RARB: variants seen among roughly 807,000 people sequenced by gnomAD.
RARB encodes the protein retinoic acid receptor beta, also known as HBV-activated protein.
Under a neutral mutation model 51.9 loss-of-function variants are expected in RARB, and 17 were observed. That is an observed-to-expected ratio of 0.33 (90% CI 0.22 to 0.49). The LOEUF is 0.49. Among genes scored for constraint, RARB ranks in the 20% least tolerant of loss-of-function variants. The pLI, the probability that RARB is intolerant of heterozygous loss-of-function variation, is 0.99. For synonymous variants in RARB, 215 were observed against 195.4 expected (o/e 1.10, Z -0.84); for missense variants, 369 against 550.8 (o/e 0.67, Z 3.30).
chr3:24,962,798 A>G (rs1696170561), intron 2 of RARB, among the ~76,000 whole-genome samples: 2 of 152,346 alleles, frequency 1.3e-5, no homozygotes, highest in South Asian at 4.1e-4. Flanking sequence ...ACACTAAATG[A>G]TATAAATGAG....
At chr3:25,551,906 C>T (rs1699865952) in intron 3 of RARB, among the ~76,000 whole-genome samples, 1 of 152,140 alleles carries the variant, frequency 6.6e-6, no homozygotes, top group Non-Finnish European at 1.5e-5. Flanking sequence ...GAGGGGAATC[C>T]CAGTCCATGC....
intron 4 of RARB, among the ~76,000 whole-genome samples, chr3:25,160,186 G>A (rs1700450843): frequency 6.6e-6 from 1 of 152,164 alleles, no homozygotes; most frequent in African/African-American, 2.4e-5. Context: ...CTAGGCTCTG[G>A]TAATTTTCAG....
At chr3:24,940,367 G>A (rs1695637085) in intron 2 of RARB, among the ~76,000 whole-genome samples, 1 of 152,198 alleles carries the variant, frequency 6.6e-6, no homozygotes, top group South Asian at 2.1e-4. Context: ...GCGACGTAGA[G>A]AGGAGATTCA....
At chr3:24,954,515 T>A (rs1695967216) in intron 2 of RARB, among the ~76,000 whole-genome samples, 1 of 152,186 alleles carries the variant, frequency 6.6e-6, no homozygotes, top group Non-Finnish European at 1.5e-5. Context: ...CTTACAGATT[T>A]AAAAGTTGGG....
At chr3:25,183,099 G>A (rs984591916) in intron 5 of RARB, among the ~76,000 whole-genome samples, 2 of 152,086 alleles carry the variant, frequency 1.3e-5, no homozygotes, top group Admixed American at 6.5e-5. Context: ...AACTGATACA[G>A]GGACCATAAC....
At chr3:25,467,224 C>A (rs1381402017) in intron 2 of RARB, among the ~76,000 whole-genome samples, 2 of 152,276 alleles carry the variant, frequency 1.3e-5, no homozygotes, top group Non-Finnish European at 2.9e-5. Flanking sequence ...GGAACATAGT[C>A]TATGCTGTTG....
At chr3:25,306,124 A>G (rs868072160) in intron 5 of RARB, among the ~76,000 whole-genome samples, 1 of 152,210 alleles carries the variant, frequency 6.6e-6, no homozygotes, top group Non-Finnish European at 1.5e-5. Flanking sequence ...AAAAGACCCA[A>G]TTATGCACCA....
chr3:25,200,342 G>A (rs1328194823), intron 5 of RARB, among the ~76,000 whole-genome samples: 1 of 151,380 alleles, frequency 6.6e-6, no homozygotes, highest in East Asian at 1.9e-4. Flanking sequence ...CTGGATATTA[G>A]CCCTTTGTCA....
intron 5 of RARB, among the ~76,000 whole-genome samples, chr3:25,186,763 C>G (rs1700986150): frequency 6.6e-6 from 1 of 152,108 alleles, no homozygotes; most frequent in Non-Finnish European, 1.5e-5. Flanking sequence ...TCTCTAGATT[C>G]ATGACTGAGA....
intron 4 of RARB, among the ~76,000 whole-genome samples, chr3:25,157,139 C>T (rs1700387609): frequency 6.6e-6 from 1 of 152,084 alleles, no homozygotes; most frequent in Admixed American, 6.6e-5. Flanking sequence ...ATAAGTAATA[C>T]AGGAAACAAT....
intron 2 of RARB, among the ~76,000 whole-genome samples, chr3:24,995,670 A>G (rs1293820164): frequency 2.0e-5 from 3 of 152,070 alleles, no homozygotes; most frequent in Admixed American, 6.6e-5. Context: ...AAGAGTTTCT[A>G]TCATGAAGGG....
At chr3:24,967,444 G>A (rs1044189501) in intron 2 of RARB, among the ~76,000 whole-genome samples, 1 of 151,768 alleles carries the variant, frequency 6.6e-6, no homozygotes, top group Non-Finnish European at 1.5e-5. Context: ...CCTCAACTCA[G>A]ATGGTCAACT....
At chr3:24,910,477 T>G (rs1323141576) in intron 2 of RARB, among the ~76,000 whole-genome samples, 1 of 152,184 alleles carries the variant, frequency 6.6e-6, no homozygotes, top group African/African-American at 2.4e-5. Context: ...TTGTAATTTT[T>G]TAGGACCTGT....
intron 3 of RARB, among the ~76,000 whole-genome samples, chr3:25,097,082 G>C (rs1239397631): frequency 6.6e-6 from 1 of 152,090 alleles, no homozygotes; most frequent in African/African-American, 2.4e-5. Flanking sequence ...AGCTAAATGG[G>C]TGCAAGTGAC....
chr3:25,027,483 T>C (rs1198329797), intron 2 of RARB, among the ~76,000 whole-genome samples: 1 of 152,180 alleles, frequency 6.6e-6, no homozygotes, highest in Non-Finnish European at 1.5e-5. Flanking sequence ...TCACTTAATG[T>C]CCTACATAAT....
intron 5 of RARB, among the ~76,000 whole-genome samples, chr3:25,405,551 T>C (rs1427124056): frequency 6.6e-6 from 1 of 152,148 alleles, no homozygotes; most frequent in East Asian, 1.9e-4. Context: ...GATAAAACCA[T>C]TCAAGGCAAT....
At chr3:25,068,321 T>G (rs1234321436) in intron 3 of RARB, among the ~76,000 whole-genome samples, 8 of 151,926 alleles carry the variant, frequency 5.3e-5, no homozygotes, top group Admixed American at 5.2e-4. Context: ...GAAGTTCCAT[T>G]TTGACCTATC....
intron 5 of RARB, among the ~76,000 whole-genome samples, chr3:25,252,553 C>G (rs997086365): frequency 2.0e-5 from 3 of 152,128 alleles, no homozygotes; most frequent in South Asian, 2.1e-4. Flanking sequence ...AGTGAACAAG[C>G]CTTGCACTTC....
rs554111948 is a variant in RARB at position 25,513,323 on chromosome 3, GAAGGAAAGA to G, written c.448+12012_448+12020del. Among the ~76,000 whole-genome samples the G allele has an allele frequency of 1.4e-3, 206 of 151,918 alleles. 1 individual carries two copies. The highest frequency in any genetic ancestry group is 4.6e-3 in the African/African-American group (192 of 41,422). Reference sequence around the variant, plus strand: ...AAAGAGACAGAGAGGGAGAGAGAAAGAAGGAAAGAAAGGAAAGAAATGAAGAAAAGAAAG... The same window carrying G: ...AAAGAGACAGAGAGGGAGAGAGAAAGAAGGAAAGAAATGAAGAAAAGAAAG... On this transcript the variant is annotated intron_variant, in intron 3 of 7. Coordinates refer to ENST00000330688, the MANE Select transcript of RARB (RefSeq NM_000965.5).
Sources: allele counts gnomAD v4.1 joint callset (sites outside exome capture counted in the v4.1 genomes callset), GRCh38; gene constraint gnomAD v4.1.1; transcripts MANE v1.5; gene names NCBI Gene and HGNC (gene_info 2026-07-23, HGNC 2026-07-21).